Variants in PWWP3B observed in about 807,000 individuals in gnomAD.
The protein encoded by PWWP3B is PWWP domain containing 3B.
A neutral mutation model predicts 15.7 loss-of-function variants in PWWP3B; 5 were observed. That is an observed-to-expected ratio of 0.32 (90% CI 0.17 to 0.67). The LOEUF (loss-of-function observed/expected upper bound fraction) is 0.67, where lower values mean the gene tolerates loss of function less well. Among genes scored for constraint, PWWP3B ranks in the 30% least tolerant of loss-of-function variants. The pLI, the probability that PWWP3B is intolerant of heterozygous loss-of-function variation, is 0.74. For missense variants in PWWP3B, 519 were observed against 493.1 expected, an observed-to-expected ratio of 1.05 and a Z score of -0.50; for synonymous variants, 203 against 179.8, an observed-to-expected ratio of 1.13 and a Z score of -1.03.
chrX:106,200,035 C>T (rs1265848415), intron 2 of PWWP3B, among the ~76,000 whole-genome samples: 1 of 111,692 alleles, frequency 9.0e-6, no homozygotes, highest in Non-Finnish European at 1.9e-5. Flanking sequence ...ATTACCCAGC[C>T]TCTATGCCAG....
chrX:106,208,514 C>A lies in PWWP3B; in HGVS notation c.*991C>A, dbSNP rs1924175536. 8.1e-6 allele frequency: 1 copy of A among 123,940 alleles called. No homozygotes were observed. The highest frequency in any genetic ancestry group is 3.2e-5 in the African/African-American group (1 of 30,993). The allele number at this position is 123,940 out of a possible 1,213,427, so 10.2% of individuals were successfully genotyped here. On this transcript the variant is annotated 3_prime_UTR_variant, in exon 4 of 4. Transcript: ENST00000357175. ...AAATACATAGTTGTCTCAAACCAAG[C>A]AAGCTTTATCAAAATGGCTTATTTG...
chrX:106,173,066 C>G (rs1211123401), intron 2 of PWWP3B, among the ~76,000 whole-genome samples: 2 of 112,067 alleles, frequency 1.8e-5, no homozygotes, highest in Non-Finnish European at 3.8e-5. Context: ...GTTTAACAAA[C>G]TTAATTCTTT....
rs1186700479 is a variant in PWWP3B at position 106,208,651 on chromosome X, AT to A, written c.*1131del. 8.0e-6 allele frequency: 1 copy of A among 124,255 alleles called. No individual in the cohort carries two copies. Among genetic ancestry groups the A allele is most frequent in the Non-Finnish European group, 1.9e-5 (1 of 53,491 alleles). 10.2% of individuals were successfully genotyped at this position (124,255 alleles called of 1,213,427 possible). A position where few individuals can be genotyped will look rare whatever the true frequency, so the allele number is the denominator to read the frequency against. ...GAAATAGGTCACAGAAAAAGCCTCC[AT>A]TTGGCTAAATATGACAATTATCTGA... is the stretch of plus-strand genomic sequence containing the variant. On this transcript the variant is annotated 3_prime_UTR_variant, in exon 4 of 4. Transcript: ENST00000357175.
In PWWP3B at chrX:106,185,840, A is replaced by T. The variant is rs375180389; in HGVS notation, c.-401+14701A>T. Among the ~76,000 whole-genome samples the T allele has an allele frequency of 2.7e-5, 3 of 111,922 alleles. No homozygotes were observed. In the East Asian group the frequency reaches 8.5e-4, roughly 32 times the overall value. On this transcript the variant is annotated intron_variant, in intron 2 of 3. Transcript: ENST00000357175. ...ACTTCTCATCATATGAATAGGAAGG[A>T]TATAATTTCTGAGGCTCCCCATATC...
chrX:106,179,410 A>G (rs1199352756), intron 2 of PWWP3B, among the ~76,000 whole-genome samples: 1 of 112,518 alleles, frequency 8.9e-6, no homozygotes, highest in Non-Finnish European at 1.9e-5. Flanking sequence ...TTATAAGAAC[A>G]TGAAGTGAAA....
intron 2 of PWWP3B, among the ~76,000 whole-genome samples, 191 bp from the exon 3 acceptor site, chrX:106,203,794 A>G (rs757616338): frequency 1.2e-4 from 13 of 112,163 alleles, no homozygotes; most frequent in Non-Finnish European, 1.9e-4. Flanking sequence ...ACAAAATAGC[A>G]TAAATTTATC....
intron 2 of PWWP3B, among the ~76,000 whole-genome samples, chrX:106,200,328 TTTTGGGGGATTGAACCTCTGAGA>T (rs1923626052): frequency 9.0e-6 from 1 of 111,149 alleles, no homozygotes; most frequent in Non-Finnish European, 1.9e-5. Context: ...CAAAATAAAC[TTTTGGGGGATTGAACCTCTGAGA>T]TTTAGGGGTT....
At chrX:106,186,386 A>C (rs1274468819) in intron 2 of PWWP3B, among the ~76,000 whole-genome samples, 1 of 111,471 alleles carries the variant, frequency 9.0e-6, no homozygotes, top group Non-Finnish European at 1.9e-5. Context: ...GCCCTTTCCC[A>C]AAAATCCTGA....
At chrX:106,178,194 G>GT (rs1243718781) in intron 2 of PWWP3B, among the ~76,000 whole-genome samples, 6 of 111,744 alleles carry the variant, frequency 5.4e-5, no homozygotes, top group African/African-American at 1.6e-4. Context: ...CAGTCCACAG[G>GT]TACAGCCATG....
intron 2 of PWWP3B, among the ~76,000 whole-genome samples, chrX:106,173,950 T>C (rs1269442106): frequency 9.0e-6 from 1 of 111,443 alleles, no homozygotes; most frequent in Non-Finnish European, 1.9e-5. Context: ...TTTTTGGCTG[T>C]CTGAAAAATT....
At chrX:106,185,713 C>T (rs778742183) in intron 2 of PWWP3B, among the ~76,000 whole-genome samples, 2 of 111,938 alleles carry the variant, frequency 1.8e-5, no homozygotes, top group East Asian at 5.7e-4. Context: ...GGACCTTACC[C>T]CTGTCCTATA....
chrX:106,195,468 T>C (rs182011743), intron 2 of PWWP3B, among the ~76,000 whole-genome samples: 4 of 112,024 alleles, frequency 3.6e-5, no homozygotes, highest in Non-Finnish European at 7.5e-5. Context: ...TTTGGTTTTA[T>C]ATTTAGGTCG....
chrX:106,186,771 G>T (rs1464782773), intron 2 of PWWP3B, among the ~76,000 whole-genome samples: 1 of 111,204 alleles, frequency 9.0e-6, no homozygotes, highest in Non-Finnish European at 1.9e-5. Flanking sequence ...CTGCTGGCTG[G>T]GGTGGCCAGC....
At chrX:106,202,317 A>G (rs1923749733) in intron 2 of PWWP3B, among the ~76,000 whole-genome samples, 1 of 112,061 alleles carries the variant, frequency 8.9e-6, no homozygotes, top group Non-Finnish European at 1.9e-5. Context: ...CAGCATTTCT[A>G]TGTGGCCAGG....
At chrX:106,181,298 G>A (rs958483998) in intron 2 of PWWP3B, among the ~76,000 whole-genome samples, 1 of 111,453 alleles carries the variant, frequency 9.0e-6, no homozygotes, top group Non-Finnish European at 1.9e-5. Flanking sequence ...TGCTGGCTGG[G>A]GTGGCCAGCT....
In PWWP3B at chrX:106,206,363, G is replaced by A. The variant is rs1452764078; in HGVS notation, c.931G>A (p.Gly311Arg). 3 of 1,203,078 alleles carry A rather than the reference G, an allele frequency of 2.5e-6. No homozygotes were observed. The East Asian group carries it at 8.9e-5, about 36-fold the overall frequency. ...ESEMGAAACP[G>R]SCSRECEVSF... ...AGAGATGGGGGCTGCAGCATGCCCTGGGAGTTGTTCAAGGGAATGCGAGGT... is the reference window on the plus strand; with the variant it reads ...AGAGATGGGGGCTGCAGCATGCCCTAGGAGTTGTTCAAGGGAATGCGAGGT... The change falls in exon 4 of 4, where the codon GGG becomes AGG. Residue 311 changes from glycine (G) to arginine (R), a missense_variant. Physicochemically the swap from Gly to Arg is moderately radical, Grantham distance 125. Coordinates refer to ENST00000357175, the MANE Select transcript of PWWP3B (RefSeq NM_001171020.2).
Position 106,206,294 on chromosome X carries a change from A to C in PWWP3B, c.862A>C (p.Asn288His). Residue 288 changes from asparagine (N) to histidine (H), a missense_variant, in exon 4 of 4, where the codon AAT (asparagine) becomes CAT (histidine). Coordinates refer to ENST00000357175, the MANE Select transcript of PWWP3B (RefSeq NM_001171020.2). ...NIEDPGEGPSNPCLDTSQNQP... is the reference protein window; with the variant it reads ...NIEDPGEGPSHPCLDTSQNQP... ...TGAGGATCCTGGAGAGGGTCCCTCA[A>C]ATCCATGCTTAGATACCAGCCAGAA... 8.3e-7 allele frequency: 1 copy of C among 1,206,324 alleles called. No individual in the cohort carries two copies. The highest frequency in any genetic ancestry group is 1.7e-5 in the African/African-American group (1 of 57,728).
chrX:106,178,233 C>CT (rs780813069), intron 2 of PWWP3B, among the ~76,000 whole-genome samples: 10 of 111,890 alleles, frequency 8.9e-5, no homozygotes, highest in Non-Finnish European at 1.5e-4. Context: ...TCTATATCAT[C>CT]TAAGTGTAAG....
chrX:106,193,485 C>G (rs1468366030), intron 2 of PWWP3B, among the ~76,000 whole-genome samples: 4 of 111,878 alleles, frequency 3.6e-5, no homozygotes, highest in African/African-American at 1.3e-4. Flanking sequence ...GATCTTGACT[C>G]TTTATCCAAT....
Sources: gnomAD v4.1 joint callset for allele counts (sites outside exome capture counted in the v4.1 genomes callset) on GRCh38, gnomAD v4.1.1 for gene constraint, MANE v1.5 for transcripts, NCBI Gene and HGNC (gene_info 2026-07-23, HGNC 2026-07-21) for gene names.